DMXL1: variants seen among roughly 807,000 people sequenced by gnomAD.
The protein encoded by DMXL1 is Dmx like 1, also known as dmX-like protein 1.
DMXL1 carries 99 observed loss-of-function variants against 319.2 expected under a neutral mutation model. The ratio of observed to expected loss-of-function variants is 0.31; its 90% CI spans 0.26 to 0.37. DMXL1 has a LOEUF of 0.37. Among genes scored for constraint, DMXL1 ranks in the 10% least tolerant of loss-of-function variants. DMXL1 has a pLI of 1.00. For missense variants in DMXL1, 3,745 were observed against 3,595.6 expected, an observed-to-expected ratio of 1.04 and a Z score of -1.06; for synonymous variants, 1,385 against 1,235.2, an observed-to-expected ratio of 1.12 and a Z score of -2.54.
At chr5:119,131,846 G>C (rs1764965489) in intron 10 of DMXL1, among the ~76,000 whole-genome samples, 1 of 152,074 alleles carries the variant, frequency 6.6e-6, no homozygotes, top group African/African-American at 2.4e-5. Context: ...TATGAAAACT[G>C]TTATGTTTTT....
At chr5:119,090,625 C>T (rs1420278270) in intron 1 of DMXL1, among the ~76,000 whole-genome samples, 54 of 145,910 alleles carry the variant, frequency 3.7e-4, no homozygotes, top group Non-Finnish European at 5.6e-4. Context: ...TGCAATGGCG[C>T]GATCTCGGCT....
At chr5:119,217,581 C>G (rs535148628) in intron 35 of DMXL1, among the ~76,000 whole-genome samples, 1 of 152,132 alleles carries the variant, frequency 6.6e-6, no homozygotes, top group East Asian at 1.9e-4. Flanking sequence ...CTAATGACTT[C>G]TAGTTATTCT....
intron 6 of DMXL1, among the ~76,000 whole-genome samples, chr5:119,115,207 T>A (rs1760574198): frequency 6.6e-6 from 1 of 152,192 alleles, no homozygotes; most frequent in South Asian, 2.1e-4. Flanking sequence ...ATATATGCAG[T>A]ATAGAGTGAC....
chr5:119,223,749 A>T (rs1157195421), intron 37 of DMXL1, among the ~76,000 whole-genome samples: 3 of 151,882 alleles, frequency 2.0e-5, no homozygotes, highest in Non-Finnish European at 4.4e-5. Context: ...GTGTTTGTAT[A>T]TTTTTTTTAC....
chr5:119,144,023 G>C, intron 14 of DMXL1, 93 bp downstream of exon 14: 2 of 764,910 alleles, frequency 2.6e-6, no homozygotes, highest in East Asian at 2.8e-5. Flanking sequence ...TTGAAAATTT[G>C]CTATATATTT....
intron 1 of DMXL1, among the ~76,000 whole-genome samples, chr5:119,085,488 A>G (rs1226365204): frequency 6.6e-6 from 1 of 152,124 alleles, no homozygotes; most frequent in African/African-American, 2.4e-5. Flanking sequence ...ATGCTATTCT[A>G]TACACCATTG....
At chr5:119,227,531 G>A (rs1440975669) in intron 38 of DMXL1, among the ~76,000 whole-genome samples, 1 of 152,068 alleles carries the variant, frequency 6.6e-6, no homozygotes, top group South Asian at 2.1e-4. Flanking sequence ...TCCTTTGTCT[G>A]CCAGGAAGTG....
intron 39 of DMXL1, among the ~76,000 whole-genome samples, chr5:119,234,987 T>G (rs1302011657): frequency 1.3e-5 from 2 of 152,210 alleles, no homozygotes; most frequent in East Asian, 3.8e-4. Flanking sequence ...TGCTTGTCTT[T>G]GCCTGCACAA....
At chr5:119,116,640 A>C (rs577028901) in intron 7 of DMXL1, among the ~76,000 whole-genome samples, 1 of 151,882 alleles carries the variant, frequency 6.6e-6, no homozygotes, top group Non-Finnish European at 1.5e-5. Flanking sequence ...TCTGTCATCT[A>C]TTTTCTCCAG....
chr5:119,203,648 G>A (rs964078403), intron 33 of DMXL1, among the ~76,000 whole-genome samples: 14 of 151,984 alleles, frequency 9.2e-5, no homozygotes, highest in Admixed American at 3.3e-4. Flanking sequence ...CTTTTTTCTC[G>A]ATAAAAATGT....
chr5:119,233,508 T>C, intron 39 of DMXL1, 41 bp downstream of exon 39: 18 of 1,569,274 alleles, frequency 1.1e-5, no homozygotes, highest in Non-Finnish European at 1.6e-5. Context: ...TTTATTGTGT[T>C]GGAGGTTTAT....
intron 1 of DMXL1, among the ~76,000 whole-genome samples, chr5:119,076,168 GCTC>G (rs1750814580): frequency 1.3e-5 from 2 of 152,096 alleles, no homozygotes; most frequent in African/African-American, 4.8e-5. Flanking sequence ...ATATGTTATA[GCTC>G]CAATTTCCCT....
At chr5:119,141,586 C>G (rs965329202) in intron 13 of DMXL1, among the ~76,000 whole-genome samples, 4 of 152,052 alleles carry the variant, frequency 2.6e-5, no homozygotes, top group African/African-American at 7.2e-5. Flanking sequence ...CAAAACATTG[C>G]TCAGATAAAT....
intron 33 of DMXL1, among the ~76,000 whole-genome samples, chr5:119,206,258 CT>C (rs1398694201): frequency 4.6e-5 from 7 of 151,654 alleles, no homozygotes; most frequent in Admixed American, 4.6e-4. Flanking sequence ...GTTTGAGTTT[CT>C]GAGAAGAACT....
In DMXL1 at chr5:119,116,175, G is replaced by C; in HGVS notation, c.582G>C (p.Lys194Asn). 6.2e-7 allele frequency: 1 copy of C among 1,607,132 alleles called. No homozygotes were observed. Among genetic ancestry groups the C allele is most frequent in the Non-Finnish European group, 8.5e-7 (1 of 1,176,360 alleles). ...ATAGKDDCLL[K>N]VWYNVENWRT... is the part of the protein sequence containing the mutation. Reference sequence around the variant, plus strand: ...TTCCTTAGGATGACTGTCTTTTGAAGGTTTGGTATAATGTAGAAAACTGGC... The same window carrying C: ...TTCCTTAGGATGACTGTCTTTTGAACGTTTGGTATAATGTAGAAAACTGGC... Residue 194 changes from lysine (K) to asparagine (N), a missense_variant, in exon 7 of 44, where the codon AAG (lysine) becomes AAC (asparagine). Transcript: ENST00000539542.
intron 6 of DMXL1, 49 bp downstream of exon 6, chr5:119,114,590 T>C (rs775037621): frequency 8.0e-7 from 1 of 1,254,908 alleles, no homozygotes; most frequent in Admixed American, 2.1e-5. Flanking sequence ...TAGTTTACTT[T>C]GAAACTTTAA....
At chr5:119,089,701 C>A (rs1056731419) in intron 1 of DMXL1, among the ~76,000 whole-genome samples, 1 of 151,054 alleles carries the variant, frequency 6.6e-6, no homozygotes, top group African/African-American at 2.4e-5. Context: ...TCTTGTCTCA[C>A]CGCAACCTCC....
At chr5:119,143,039 C>T (rs1350214702) in intron 13 of DMXL1, among the ~76,000 whole-genome samples, 2 of 152,002 alleles carry the variant, frequency 1.3e-5, no homozygotes, top group South Asian at 2.1e-4. Context: ...AACTCATGAA[C>T]CCAAAGAATG....
rs191176379 is a variant in DMXL1 at position 119,237,930 on chromosome 5, T to C, written c.8559+516T>C. 7.4e-3 allele frequency among the ~76,000 whole-genome samples: 1,131 copies of C among 152,226 alleles called. 45 individuals carry two copies. The highest frequency in any genetic ancestry group is 0.068 in the Admixed American group (1,046 of 15,280). ...ATTTCATATCTTCAGTGAAGCTCTT[T>C]ATAGGACTAAGCAATTCCTATCAGA... On this transcript the variant is annotated intron_variant, in intron 40 of 43. Transcript: ENST00000539542.
Sources: gnomAD v4.1 joint callset for allele counts (sites outside exome capture counted in the v4.1 genomes callset) on GRCh38, gnomAD v4.1.1 for gene constraint, MANE v1.5 for transcripts, NCBI Gene and HGNC (gene_info 2026-07-23, HGNC 2026-07-21) for gene names.